CTNND2: variants seen among roughly 807,000 people sequenced by gnomAD.
The protein encoded by CTNND2 is catenin delta-2.
CTNND2 carries 22 observed loss-of-function variants against 144.4 expected under a neutral mutation model. That is an observed-to-expected ratio of 0.15 (90% confidence interval 0.11 to 0.22). The LOEUF is 0.22. Ranked by LOEUF, CTNND2 falls within the 10% of genes least tolerant of loss-of-function variation. CTNND2 has a pLI of 1.00. For missense variants in CTNND2, 1,353 were observed against 1,618.8 expected, an observed-to-expected ratio of 0.84 and a Z score of 2.82; for synonymous variants, 751 against 695.6, an observed-to-expected ratio of 1.08 and a Z score of -1.25.
chr5:11,690,742 C>CAAAAAAA (rs58799389), intron 2 of CTNND2, among the ~76,000 whole-genome samples: 46 of 36,556 alleles, frequency 1.3e-3, no homozygotes, highest in South Asian at 6.6e-3. Context: ...GACTCCGTCT[C>CAAAAAAA]AAAAAAAAAA....
intron 2 of CTNND2, among the ~76,000 whole-genome samples, chr5:11,729,046 T>C (rs1292209584): frequency 1.3e-5 from 2 of 152,152 alleles, no homozygotes; most frequent in Non-Finnish European, 2.9e-5. Flanking sequence ...TCATGGAATC[T>C]GCTGCTTTTT....
At chr5:11,627,277 T>C (rs1029900485) in intron 2 of CTNND2, among the ~76,000 whole-genome samples, 1 of 152,146 alleles carries the variant, frequency 6.6e-6, no homozygotes, top group Non-Finnish European at 1.5e-5. Flanking sequence ...TCAAGACCTA[T>C]CCAGATGTCC....
intron 1 of CTNND2, among the ~76,000 whole-genome samples, chr5:11,882,265 G>A (rs538865855): frequency 6.6e-5 from 10 of 151,794 alleles, no homozygotes; most frequent in South Asian, 6.2e-4. Flanking sequence ...TATTTCCTAT[G>A]CTTTTGAAAT....
chr5:11,667,968 C>A (rs1457802347), intron 2 of CTNND2, among the ~76,000 whole-genome samples: 1 of 152,150 alleles, frequency 6.6e-6, no homozygotes, highest in East Asian at 1.9e-4. Flanking sequence ...GATCCAGTTC[C>A]AGCTTTCTGC....
intron 3 of CTNND2, among the ~76,000 whole-genome samples, chr5:11,535,693 T>C (rs982846927): frequency 6.6e-6 from 1 of 152,148 alleles, no homozygotes; most frequent in Non-Finnish European, 1.5e-5. Flanking sequence ...ATTGGTAAAA[T>C]ATAAAAAATG....
chr5:11,138,328 C>G lies in CTNND2; in HGVS notation c.2160-20761G>C, dbSNP rs139217415. 4.6e-5 allele frequency among the ~76,000 whole-genome samples: 7 copies of G among 152,288 alleles called. No individual in the cohort carries two copies. The East Asian group carries it at 1.4e-3, about 29-fold the overall frequency. ...TTCTCATGGTTCTTAACCCTATTCA[C>G]GTCTGCAAAGTGTCTTTTGCCAGGT... On this transcript the variant is annotated intron_variant, in intron 12 of 21. Transcript: ENST00000304623.
At chr5:11,209,439 A>G (rs901263953) in intron 10 of CTNND2, among the ~76,000 whole-genome samples, 3 of 152,212 alleles carry the variant, frequency 2.0e-5, no homozygotes, top group Admixed American at 6.5e-5. Context: ...TTACAAGCCA[A>G]TGTTAAAGGC....
rs12522501 is a variant in CTNND2, at chr5:11,052,453, A to T, written c.2789-29474T>A. Among the ~76,000 whole-genome samples, 174 of 152,272 alleles carry T rather than the reference A, an allele frequency of 1.1e-3. 4 individuals are homozygous for T. The East Asian group carries it at 0.026, about 23-fold the overall frequency. The stretch of plus-strand genomic sequence containing the variant: ...CAGGAGATTCTTGCCAATGCAAATA[A>T]CTTGATTGTTCAATCCAGAAACTTG... On this transcript the variant is annotated intron_variant, in intron 16 of 21. Transcript: ENST00000304623.
At chr5:10,995,639 C>T (rs1251854718) in intron 18 of CTNND2, among the ~76,000 whole-genome samples, 1 of 151,974 alleles carries the variant, frequency 6.6e-6, no homozygotes, top group Non-Finnish European at 1.5e-5. Context: ...TCATAGATCA[C>T]CTAGAAGATA....
intron 1 of CTNND2, among the ~76,000 whole-genome samples, chr5:11,758,350 TTA>T (rs1789066801): frequency 6.6e-6 from 1 of 151,968 alleles, no homozygotes; most frequent in Non-Finnish European, 1.5e-5. Context: ...TTTTGTTTGA[TTA>T]AAAAAAATTT....
Position 11,302,185 on chromosome 5 carries a change from T to C in CTNND2, c.1628+44187A>G, listed in dbSNP as rs73055778. Among the ~76,000 whole-genome samples, 307 of 152,314 alleles carry C rather than the reference T, an allele frequency of 2.0e-3. 2 individuals are homozygous for C. Among genetic ancestry groups the C allele is most frequent in the African/African-American group, 7.2e-3 (300 of 41,576 alleles). On this transcript the variant is annotated intron_variant, in intron 9 of 21. Coordinates refer to ENST00000304623, the MANE Select transcript of CTNND2 (RefSeq NM_001332.4). ...ACAATTCTTCCCCTAAGGTTGGCTC[T>C]TCCCATCAGTACTGAGAGGAAGGAA... is the stretch of plus-strand genomic sequence containing the variant.
intron 3 of CTNND2, among the ~76,000 whole-genome samples, chr5:11,425,655 C>A (rs549875706): frequency 1.1e-3 from 175 of 152,298 alleles, no homozygotes; most frequent in African/African-American, 4.1e-3. Flanking sequence ...TATCTTTAAT[C>A]ATTCTTGGGA....
At chr5:11,260,381 C>T (rs1319632086) in intron 9 of CTNND2, among the ~76,000 whole-genome samples, 1 of 152,006 alleles carries the variant, frequency 6.6e-6, no homozygotes, top group Non-Finnish European at 1.5e-5. Flanking sequence ...GCTTTATTTA[C>T]ACACTAAGAA....
intron 1 of CTNND2, among the ~76,000 whole-genome samples, chr5:11,900,560 A>G (rs1233058953): frequency 1.3e-5 from 2 of 152,220 alleles, no homozygotes; most frequent in East Asian, 1.9e-4. Flanking sequence ...ATATTAATAT[A>G]AAAAGCTGTT....
chr5:11,302,198 T>A (rs1386008526), intron 9 of CTNND2, among the ~76,000 whole-genome samples: 1 of 152,128 alleles, frequency 6.6e-6, no homozygotes, highest in East Asian at 1.9e-4. Flanking sequence ...CCATCAGTAC[T>A]GAGAGGAAGG....
At chr5:11,577,954 T>C (rs542648255) in intron 2 of CTNND2, among the ~76,000 whole-genome samples, 5 of 152,348 alleles carry the variant, frequency 3.3e-5, no homozygotes, top group African/African-American at 1.2e-4. Flanking sequence ...TAAATGTCCC[T>C]GTCAACAGTA....
rs116934220 is a variant in CTNND2, at chr5:11,765,183, C to A, written c.38-32911G>T. 3.8e-3 allele frequency among the ~76,000 whole-genome samples: 572 copies of A among 152,246 alleles called. 14 individuals are homozygous for A. In the South Asian group the frequency reaches 0.065, roughly 17 times the overall value. On this transcript the variant is annotated intron_variant, in intron 1 of 21. Transcript: ENST00000304623. ...CAGTTCTGTGGTTCTAGGCTAAGGG[C>A]AGATGAATTAAGAGAGAGTCTCTAT...
At chr5:11,295,538 T>G (rs1561170406) in intron 9 of CTNND2, among the ~76,000 whole-genome samples, 1 of 152,022 alleles carries the variant, frequency 6.6e-6, no homozygotes, top group Non-Finnish European at 1.5e-5. Flanking sequence ...AATCCTAAGC[T>G]AAAAGAACAA....
At chr5:11,237,125 T>C (rs1741736927) in intron 9 of CTNND2, among the ~76,000 whole-genome samples, 1 of 151,694 alleles carries the variant, frequency 6.6e-6, no homozygotes, top group Admixed American at 6.6e-5. Flanking sequence ...GTTCACGCCA[T>C]TCTCCTGCCA....
Sources: allele counts gnomAD v4.1 joint callset (sites outside exome capture counted in the v4.1 genomes callset), GRCh38; gene constraint gnomAD v4.1.1; transcripts MANE v1.5; gene names NCBI Gene and HGNC (gene_info 2026-07-23, HGNC 2026-07-21).